MAGI2: variants seen among roughly 807,000 people sequenced by gnomAD.
MAGI2 encodes the protein membrane associated guanylate kinase, WW and PDZ domain containing 2, also known as membrane-associated guanylate kinase, WW and PDZ domain-containing protein 2.
A neutral mutation model predicts 133.3 loss-of-function variants in MAGI2; 35 were observed. The ratio of observed to expected loss-of-function variants is 0.26; its 90% CI spans 0.20 to 0.35. MAGI2 has a LOEUF of 0.35. Among genes scored for constraint, MAGI2 ranks in the 10% least tolerant of loss-of-function variants. The pLI is 1.00. For synonymous variants in MAGI2, 729 were observed against 710.6 expected (o/e 1.03, Z -0.41); for missense variants, 1,636 against 1,863.4 (o/e 0.88, Z 2.25).
At chr7:78,398,293 T>C (rs1796544808) in intron 6 of MAGI2, among the ~76,000 whole-genome samples, 1 of 152,170 alleles carries the variant, frequency 6.6e-6, no homozygotes, top group South Asian at 2.1e-4. Flanking sequence ...CATGCGGCTT[T>C]TTTTGTCTGG....
chr7:78,654,736 T>C (rs934784244), intron 2 of MAGI2, among the ~76,000 whole-genome samples: 841 of 68,680 alleles, frequency 0.012, 40 homozygotes, highest in African/African-American at 0.039. Context: ...TATATATATA[T>C]ATATATATAT....
At chr7:78,070,202 TATATATATATATATATACAC>T (rs1278374598) in intron 21 of MAGI2, among the ~76,000 whole-genome samples, 8 of 36,810 alleles carry the variant, frequency 2.2e-4, no homozygotes, top group African/African-American at 4.5e-4. Flanking sequence ...TATATATATA[TATATATATATATATATACAC>T]ACACACACAC....
intron 2 of MAGI2, among the ~76,000 whole-genome samples, chr7:78,928,900 G>T (rs113078971): frequency 3.8e-4 from 58 of 152,108 alleles, no homozygotes; most frequent in Non-Finnish European, 6.2e-4. Flanking sequence ...CTGTATTGAG[G>T]TCATGGTTAC....
intron 1 of MAGI2, among the ~76,000 whole-genome samples, chr7:79,033,495 TC>T (rs147961999): frequency 0.29 from 43,738 of 152,070 alleles, 6,484 homozygotes; most frequent in Middle Eastern, 0.36. Context: ...TAAACTTTAA[TC>T]TATACCTTAT....
At chr7:79,171,820 C>A (rs564638424) in intron 1 of MAGI2, among the ~76,000 whole-genome samples, 1 of 127,604 alleles carries the variant, frequency 7.8e-6, no homozygotes, top group Admixed American at 9.3e-5. Context: ...TACCTAATTT[C>A]ATAGAGTCCC....
At chr7:79,307,693 C>T (rs1304737944) in intron 1 of MAGI2, among the ~76,000 whole-genome samples, 1 of 152,132 alleles carries the variant, frequency 6.6e-6, no homozygotes, top group East Asian at 1.9e-4. Flanking sequence ...AGATTCTTAA[C>T]CTAGATATAG....
At chr7:78,293,493 T>C (rs534382117) in intron 9 of MAGI2, among the ~76,000 whole-genome samples, 2 of 152,316 alleles carry the variant, frequency 1.3e-5, no homozygotes, top group South Asian at 2.1e-4. Context: ...GGTGGGACTA[T>C]AAGCTAGTTC....
intron 6 of MAGI2, among the ~76,000 whole-genome samples, chr7:78,385,875 T>C (rs185637133): frequency 6.6e-6 from 1 of 152,344 alleles, no homozygotes; most frequent in Admixed American, 6.5e-5. Context: ...TTAACACACA[T>C]TGTAGTGGGA....
chr7:79,226,776 T>A (rs1417232983), intron 1 of MAGI2, among the ~76,000 whole-genome samples: 1 of 152,172 alleles, frequency 6.6e-6, no homozygotes, highest in African/African-American at 2.4e-5. Flanking sequence ...ATTTTAGTTT[T>A]AAAATAGATA....
At chr7:78,840,968 G>A (rs903592751) in intron 2 of MAGI2, among the ~76,000 whole-genome samples, 1 of 151,730 alleles carries the variant, frequency 6.6e-6, no homozygotes, top group African/African-American at 2.4e-5. Flanking sequence ...TTGAGACTTC[G>A]TTCCATTCGT....
chr7:78,883,288 T>C (rs1796019659), intron 2 of MAGI2, among the ~76,000 whole-genome samples: 1 of 151,126 alleles, frequency 6.6e-6, no homozygotes. Flanking sequence ...CAAAACCAAA[T>C]AAACAAAAAA....
chr7:79,374,237 T>C (rs1161000024), intron 1 of MAGI2, among the ~76,000 whole-genome samples: 1 of 151,872 alleles, frequency 6.6e-6, no homozygotes, highest in Non-Finnish European at 1.5e-5. Context: ...CTTTACAAAG[T>C]AATGAAGTTA....
At chr7:78,243,339 G>A (rs1472377700) in intron 10 of MAGI2, among the ~76,000 whole-genome samples, 1 of 151,444 alleles carries the variant, frequency 6.6e-6, no homozygotes, top group Non-Finnish European at 1.5e-5. Flanking sequence ...AACCGTATAT[G>A]GTGTTATGTA....
chr7:78,882,056 C>T (rs1260239639), intron 2 of MAGI2, among the ~76,000 whole-genome samples: 1 of 70,970 alleles, frequency 1.4e-5, no homozygotes, highest in Non-Finnish European at 2.7e-5. Context: ...ACTGACAGAC[C>T]TCTAGCTAGA....
intron 1 of MAGI2, among the ~76,000 whole-genome samples, chr7:79,086,863 G>C (rs1017029049): frequency 1.3e-5 from 2 of 151,780 alleles, no homozygotes; most frequent in Non-Finnish European, 2.9e-5. Flanking sequence ...GCTAGATAAG[G>C]GGAAGGGTGT....
At chr7:79,442,379 T>C (rs1406325283) in intron 1 of MAGI2, among the ~76,000 whole-genome samples, 2 of 152,124 alleles carry the variant, frequency 1.3e-5, no homozygotes, top group East Asian at 3.9e-4. Flanking sequence ...ACTAAGGCTG[T>C]ATCCTCACAT....
At chr7:79,145,469 A>G (rs1822530260) in intron 1 of MAGI2, among the ~76,000 whole-genome samples, 1 of 152,120 alleles carries the variant, frequency 6.6e-6, no homozygotes, top group Admixed American at 6.6e-5. Context: ...ACCACCTACA[A>G]CTAAACAAAA....
chr7:78,122,429 T>G (rs550451090), intron 20 of MAGI2, among the ~76,000 whole-genome samples: 1 of 152,186 alleles, frequency 6.6e-6, no homozygotes, highest in Non-Finnish European at 1.5e-5. Context: ...TATTTTTTTG[T>G]GCATTGATTG....
intron 9 of MAGI2, among the ~76,000 whole-genome samples, chr7:78,265,989 C>A (rs984190716): frequency 1.3e-5 from 2 of 152,146 alleles, no homozygotes; most frequent in Non-Finnish European, 2.9e-5. Context: ...TTCTACTCTA[C>A]CCGCAACTGT....
Sources: allele counts gnomAD v4.1 joint callset (sites outside exome capture counted in the v4.1 genomes callset), GRCh38; gene constraint gnomAD v4.1.1; transcripts MANE v1.5; gene names NCBI Gene and HGNC (gene_info 2026-07-23, HGNC 2026-07-21).